ERBB4: variants seen among roughly 807,000 people sequenced by gnomAD.
ERBB4 encodes erb-b2 receptor tyrosine kinase 4, also known as receptor tyrosine-protein kinase erbB-4.
A neutral mutation model predicts 158.0 loss-of-function variants in ERBB4; 42 were observed. The observed-to-expected ratio is 0.27, with a 90% CI of 0.21 to 0.34. The LOEUF is 0.34. ERBB4 is among the 10% of genes least tolerant of loss of function. The pLI is 1.00. For synonymous variants in ERBB4, 583 were observed against 558.7 expected (o/e 1.04, Z -0.61); for missense variants, 1,333 against 1,624.1 (o/e 0.82, Z 3.08).
intron 1 of ERBB4, among the ~76,000 whole-genome samples, chr2:212,185,133 G>C (rs1391492164): frequency 6.6e-6 from 1 of 151,110 alleles, no homozygotes; most frequent in African/African-American, 2.4e-5. Context: ...TGGTTCTGAT[G>C]CCTGTGCCTC....
At chr2:211,790,234 C>T in intron 3 of ERBB4, among the ~76,000 whole-genome samples, 1 of 151,808 alleles carries the variant, frequency 6.6e-6, no homozygotes, top group East Asian at 1.9e-4. Flanking sequence ...GAATAATTTT[C>T]CATTAGGTGA....
chr2:211,424,312 GA>G lies in ERBB4; in HGVS notation c.2720-12del, dbSNP rs751503278. 1 of 1,605,384 alleles carries G rather than the reference GA, an allele frequency of 6.2e-7. No homozygotes were observed. Among genetic ancestry groups the G allele is most frequent in the South Asian group, 1.1e-5 (1 of 90,876 alleles). On this transcript the variant is annotated splice_polypyrimidine_tract_variant and intron_variant, in intron 22 of 27. Transcript: ENST00000342788. ...CCCATATAGTAACTCCTATATTGGAGAAAAAATTCTTACTTAAGCATATTAA... is the reference window on the plus strand; with the variant it reads ...CCCATATAGTAACTCCTATATTGGAGAAAAATTCTTACTTAAGCATATTAA...
At chr2:212,002,991 G>A (rs561454035) in intron 2 of ERBB4, among the ~76,000 whole-genome samples, 30 of 150,562 alleles carry the variant, frequency 2.0e-4, no homozygotes, top group African/African-American at 5.9e-4. Flanking sequence ...CCCGGGAGGC[G>A]GAGAGTGGAC....
intron 2 of ERBB4, among the ~76,000 whole-genome samples, chr2:211,977,126 C>G (rs900206767): frequency 6.6e-6 from 1 of 152,134 alleles, no homozygotes; most frequent in African/African-American, 2.4e-5. Flanking sequence ...TATGTCTCTT[C>G]CCCTATGGTT....
At chr2:212,423,420 G>A (rs144556330) in intron 1 of ERBB4, among the ~76,000 whole-genome samples, 1 of 152,166 alleles carries the variant, frequency 6.6e-6, no homozygotes, top group African/African-American at 2.4e-5. Flanking sequence ...GGTTCAACTA[G>A]TAATGTCAAG....
At chr2:211,421,650 C>A (rs1185761248) in intron 24 of ERBB4, among the ~76,000 whole-genome samples, 1 of 151,848 alleles carries the variant, frequency 6.6e-6, no homozygotes, top group Non-Finnish European at 1.5e-5. Context: ...AAACAAAAAT[C>A]TGTCTTCCTT....
intron 6 of ERBB4, among the ~76,000 whole-genome samples, chr2:211,724,384 A>T (rs370749721): frequency 6.6e-6 from 1 of 151,258 alleles, no homozygotes; most frequent in East Asian, 1.9e-4. Flanking sequence ...ATTCTACTAC[A>T]TATGTTTGCT....
intron 1 of ERBB4, among the ~76,000 whole-genome samples, chr2:212,384,575 T>G (rs961982848): frequency 1.3e-5 from 2 of 151,720 alleles, no homozygotes; most frequent in African/African-American, 2.4e-5. Flanking sequence ...TTTGATTTCC[T>G]CTTATCAGCC....
In ERBB4 at chr2:211,843,321, A is replaced by G. The variant is rs374309648; in HGVS notation, c.422-55162T>C. On this transcript the variant is annotated intron_variant, in intron 3 of 27. Transcript: ENST00000342788. ...AGACAAATAATGTTCCAAAAAAGCCAGTCTAAATAAGAAGATGCGTCCTAG... is the reference window on the plus strand; with the variant it reads ...AGACAAATAATGTTCCAAAAAAGCCGGTCTAAATAAGAAGATGCGTCCTAG... Among the ~76,000 whole-genome samples the G allele has an allele frequency of 4.5e-4, 68 of 152,268 alleles. No homozygotes were observed. The East Asian group carries it at 8.5e-3, about 19-fold the overall frequency.
chr2:212,180,880 T>C (rs2081837405), intron 1 of ERBB4, among the ~76,000 whole-genome samples: 3 of 151,858 alleles, frequency 2.0e-5, no homozygotes, highest in East Asian at 1.9e-4. Context: ...TAAATAATCA[T>C]GCCCTCTATA....
At chr2:212,152,683 C>T (rs181836607) in intron 1 of ERBB4, among the ~76,000 whole-genome samples, 1 of 152,168 alleles carries the variant, frequency 6.6e-6, no homozygotes, top group African/African-American at 2.4e-5. Context: ...TTCACCCATA[C>T]ATCTAACTGC....
At chr2:212,403,311 G>C (rs2091260595) in intron 1 of ERBB4, among the ~76,000 whole-genome samples, 1 of 151,938 alleles carries the variant, frequency 6.6e-6, no homozygotes, top group South Asian at 2.1e-4. Flanking sequence ...CGATTTAAAA[G>C]CAAATGCAGC....
chr2:211,378,873 T>C lies in ERBB4; in HGVS notation c.*4742A>G. The C allele has an allele frequency of 4.9e-6, 1 of 205,926 alleles. No individual in the cohort carries two copies. The highest frequency in any genetic ancestry group is 9.1e-6 in the Non-Finnish European group (1 of 109,956). 12.8% of individuals were successfully genotyped at this position (205,926 alleles called of 1,614,324 possible). The stretch of plus-strand genomic sequence containing the variant: ...TGCCCACAGTATATACAGTAGAAGT[T>C]AATTTATCTGTTTCTTTTTTTTTTT... On this transcript the variant is annotated 3_prime_UTR_variant, in exon 28 of 28. Transcript: ENST00000342788.
chr2:211,963,869 G>A (rs839499), intron 2 of ERBB4, among the ~76,000 whole-genome samples: 61,586 of 151,922 alleles, frequency 0.41, 14,347 homozygotes, highest in African/African-American at 0.64. Context: ...TGAAAGAAAG[G>A]TTATGTTTTA....
Position 212,330,881 on chromosome 2 carries a change from C to A in ERBB4, c.83-205978G>T, listed in dbSNP as rs560378923. ...GTAGATTTTACCACAAGTGCGATTA[C>A]CCTAATGGGTAGAATCATATATATA... On this transcript the variant is annotated intron_variant, in intron 1 of 27. Coordinates refer to ENST00000342788, the MANE Select transcript of ERBB4 (RefSeq NM_005235.3). 3.3e-5 allele frequency among the ~76,000 whole-genome samples: 5 copies of A among 151,154 alleles called. No individual in the cohort carries two copies. The East Asian group carries it at 8.0e-4, about 24-fold the overall frequency.
chr2:212,297,732 A>G (rs1053785453), intron 1 of ERBB4, among the ~76,000 whole-genome samples: 1 of 151,754 alleles, frequency 6.6e-6, no homozygotes, highest in Non-Finnish European at 1.5e-5. Flanking sequence ...ACCTAGAAAG[A>G]TGATGAAAAA....
chr2:211,443,237 T>TAATA (rs1312999591), intron 20 of ERBB4, among the ~76,000 whole-genome samples: 1 of 152,110 alleles, frequency 6.6e-6, no homozygotes, highest in East Asian at 1.9e-4. Context: ...GGAAAAGGTA[T>TAATA]AATAAATTTT....
At chr2:211,771,942 T>G (rs564120779) in intron 4 of ERBB4, among the ~76,000 whole-genome samples, 1 of 152,294 alleles carries the variant, frequency 6.6e-6, no homozygotes, top group East Asian at 1.9e-4. Flanking sequence ...TTCTAGAATT[T>G]TGAGAGCTTT....
At chr2:212,397,011 C>T (rs1560207192) in intron 1 of ERBB4, among the ~76,000 whole-genome samples, 1 of 152,008 alleles carries the variant, frequency 6.6e-6, no homozygotes, top group Non-Finnish European at 1.5e-5. Context: ...GTATATTAAT[C>T]AATTGGTATT....
Sources: gnomAD v4.1 joint callset for allele counts (sites outside exome capture counted in the v4.1 genomes callset) on GRCh38, gnomAD v4.1.1 for gene constraint, MANE v1.5 for transcripts, NCBI Gene and HGNC (gene_info 2026-07-23, HGNC 2026-07-21) for gene names.